MTOR: variants seen among roughly 807,000 people sequenced by gnomAD.
The protein encoded by MTOR is serine/threonine-protein kinase mTOR.
MTOR carries 70 observed loss-of-function variants against 319.8 expected under a neutral mutation model. The observed-to-expected ratio is 0.22, with a 90% confidence interval of 0.18 to 0.27. MTOR has a LOEUF of 0.27. Ranked by LOEUF, MTOR falls within the 10% of genes least tolerant of loss-of-function variation. The pLI, the probability that MTOR is intolerant of heterozygous loss-of-function variation, is 1.00. For synonymous variants in MTOR, 1,183 were observed against 1,211.4 expected, an observed-to-expected ratio of 0.98 and a Z score of 0.49; for missense variants, 1,890 against 3,274.4, an observed-to-expected ratio of 0.58 and a Z score of 10.32.
At chr1:11,257,896 G>A (rs1650625180) in intron 3 of MTOR, among the ~76,000 whole-genome samples, 1 of 152,044 alleles carries the variant, frequency 6.6e-6, no homozygotes, top group Admixed American at 6.6e-5. Context: ...GATCACTTGA[G>A]GTCAGGAGTT....
rs546427418 is a variant in MTOR, at chr1:11,204,711, C to T, written c.3802-8G>A. On this transcript the variant is annotated splice_region_variant and splice_polypyrimidine_tract_variant and intron_variant, in intron 25 of 57. Transcript: ENST00000361445. Reference sequence around the variant, plus strand: ...CCTGGCAGCGCCCCAGGCCTGTGATCCCACAGGTGACAATGGAAAACAATC... The same window carrying T: ...CCTGGCAGCGCCCCAGGCCTGTGATTCCACAGGTGACAATGGAAAACAATC... 5.6e-6 allele frequency: 9 copies of T among 1,612,976 alleles called. No homozygotes were observed. In the African/African-American group the frequency reaches 1.1e-4, roughly 19 times the overall value.
At chr1:11,171,819 G>A (rs1304063303) in intron 28 of MTOR, among the ~76,000 whole-genome samples, 1 of 152,044 alleles carries the variant, frequency 6.6e-6, no homozygotes, top group Admixed American at 6.5e-5. Context: ...AGGATAACCT[G>A]AAGTCAGTAG....
Position 11,132,908 on chromosome 1 carries a change from G to C in MTOR, c.5364+172C>G, listed in dbSNP as rs768788856. 41 of 626,484 alleles carry C rather than the reference G, an allele frequency of 6.5e-5. 1 individual carries two copies. The highest frequency in any genetic ancestry group is 1.1e-4 in the Non-Finnish European group (37 of 350,044). 38.8% of individuals were successfully genotyped at this position (626,484 alleles called of 1,614,324 possible). A position where few individuals can be genotyped will look rare whatever the true frequency, so the allele number is the denominator to read the frequency against. On this transcript the variant is annotated intron_variant, in intron 38 of 57. Coordinates refer to ENST00000361445, the MANE Select transcript of MTOR (RefSeq NM_004958.4). ...TAATCTTTCTGTATTAATTAAACTT[G>C]TAGGGGGAAATGCAGGCTCCCTGGG...
In MTOR at chr1:11,121,297, T is replaced by C. The variant is rs1203540308; in HGVS notation, c.6882A>G (p.Thr2294=). The change falls in exon 49 of 58, where the codon ACA becomes ACG. Residue 2294 remains threonine, a synonymous_variant. Coordinates refer to ENST00000361445, the MANE Select transcript of MTOR (RefSeq NM_004958.4). This position sits in a 1 kb window ranked among gnomAD's most constrained non-coding sequence, Gnocchi z 4.9. ...GCAGCTTGGCCAGGTCGTCCCCAGC[T>C]GTATTATTGACGGCATGCTCAAACA... ...VEVFEHAVNN[T]AGDDLAKLLW... is the part of the protein sequence containing the mutation. 1.2e-6 allele frequency: 2 copies of C among 1,614,082 alleles called. No homozygotes were observed. Among genetic ancestry groups the C allele is most frequent in the Non-Finnish European group, 1.7e-6 (2 of 1,180,030 alleles).
intron 5 of MTOR, among the ~76,000 whole-genome samples, chr1:11,254,682 G>A (rs551159262): frequency 6.6e-6 from 1 of 152,182 alleles, no homozygotes; most frequent in East Asian, 1.9e-4. Context: ...AGAGAGAAAT[G>A]GCACTTTCTA....
intron 36 of MTOR, among the ~76,000 whole-genome samples, chr1:11,135,991 T>C (rs1643398624): frequency 6.7e-6 from 1 of 150,338 alleles, no homozygotes; most frequent in African/African-American, 2.4e-5. Context: ...AAAAATTAGC[T>C]GGGCGTGGTG....
rs371585514 is a variant in MTOR, at chr1:11,261,148, T to C, written c.-15+1297A>G. Among the ~76,000 whole-genome samples the C allele has an allele frequency of 6.0e-4, 91 of 152,054 alleles. 1 individual carries two copies. In the East Asian group the frequency reaches 0.017, roughly 29 times the overall value. On this transcript the variant is annotated intron_variant, in intron 1 of 57. Coordinates refer to ENST00000361445, the MANE Select transcript of MTOR (RefSeq NM_004958.4). ...CACATGTGGCTGGTGGTTCTTGTAC[T>C]GAACAACGCAGTTCTACAGGGGACT...
intron 28 of MTOR, among the ~76,000 whole-genome samples, chr1:11,177,009 T>C (rs1645013897): frequency 6.6e-6 from 1 of 151,864 alleles, no homozygotes; most frequent in Non-Finnish European, 1.5e-5. Flanking sequence ...GGCAGAAGGT[T>C]GGGAGGGCTG....
At chr1:11,159,145 C>T (rs1469189847) in intron 29 of MTOR, among the ~76,000 whole-genome samples, 1 of 152,150 alleles carries the variant, frequency 6.6e-6, no homozygotes, top group Non-Finnish European at 1.5e-5. Flanking sequence ...TCTGCGGAGT[C>T]CTTGTCTCAA....
chr1:11,221,475 T>G lies in MTOR; in HGVS notation c.3031-5241A>C, dbSNP rs544508022. Among the ~76,000 whole-genome samples the G allele has an allele frequency of 3.3e-3, 495 of 151,904 alleles. 2 individuals are homozygous for G. Among genetic ancestry groups the G allele is most frequent in the African/African-American group, 0.011 (467 of 41,476 alleles). The stretch of plus-strand genomic sequence containing the variant: ...ATTGGTCATTTTCTATTTACATCTA[T>G]AAAATATATATATATGTATGTAATC... On this transcript the variant is annotated intron_variant, in intron 19 of 57. Coordinates refer to ENST00000361445, the MANE Select transcript of MTOR (RefSeq NM_004958.4).
chr1:11,196,885 G>C (rs1041892960), intron 28 of MTOR, among the ~76,000 whole-genome samples: 13 of 151,688 alleles, frequency 8.6e-5, no homozygotes, highest in African/African-American at 2.2e-4. Flanking sequence ...AAAAGAAATA[G>C]CTGAACAAAG....
At chr1:11,202,378 G>A (rs1449106244) in intron 26 of MTOR, among the ~76,000 whole-genome samples, 10 of 124,778 alleles carry the variant, frequency 8.0e-5, no homozygotes, top group South Asian at 5.2e-4. Context: ...CCAAGATCGC[G>A]CCACTGCACT....
intron 54 of MTOR, among the ~76,000 whole-genome samples, chr1:11,110,701 T>C (rs1192639526): frequency 6.6e-6 from 1 of 152,034 alleles, no homozygotes; most frequent in Non-Finnish European, 1.5e-5. Flanking sequence ...CGGGTGATAG[T>C]TATACTTCTA....
At chr1:11,130,183 G>GA (rs945478112) in intron 39 of MTOR, among the ~76,000 whole-genome samples, 27 of 152,202 alleles carry the variant, frequency 1.8e-4, no homozygotes, top group African/African-American at 6.0e-4. Flanking sequence ...GAAGTGGAGA[G>GA]AAAAAGGCAG....
At chr1:11,192,247 C>A in intron 28 of MTOR, 1 of 1,567,888 alleles carries the variant, frequency 6.4e-7, no homozygotes, top group Non-Finnish European at 8.8e-7. Context: ...TAAATGCTCA[C>A]CCTGTGGTTT....
chr1:11,261,183 A>C (rs1262243462), intron 1 of MTOR, among the ~76,000 whole-genome samples: 1 of 151,778 alleles, frequency 6.6e-6, no homozygotes, highest in African/African-American at 2.4e-5. Flanking sequence ...TAGCTCTTCA[A>C]ATGTAAGCTA....
intron 6 of MTOR, among the ~76,000 whole-genome samples, chr1:11,251,937 CATT>C (rs978493541): frequency 2.6e-5 from 4 of 152,114 alleles, no homozygotes; most frequent in African/African-American, 7.2e-5. Context: ...CAGTGGAAAA[CATT>C]ATGTTAAACT....
At chr1:11,147,265 T>G (rs1643963028) in intron 31 of MTOR, among the ~76,000 whole-genome samples, 1 of 152,122 alleles carries the variant, frequency 6.6e-6, no homozygotes, top group Non-Finnish European at 1.5e-5. Context: ...ATTAGACAAA[T>G]AGCTTGCCCA....
chr1:11,156,912 C>G (rs953411303), intron 30 of MTOR, among the ~76,000 whole-genome samples: 1 of 152,164 alleles, frequency 6.6e-6, no homozygotes, highest in Admixed American at 6.5e-5. Flanking sequence ...AGGAGCACCC[C>G]CAAGGCTGTC....
Sources: allele counts gnomAD v4.1 joint callset (sites outside exome capture counted in the v4.1 genomes callset), GRCh38; gene constraint gnomAD v4.1.1; non-coding constraint Gnocchi (gnomAD v3.1); transcripts MANE v1.5; gene names NCBI Gene and HGNC (gene_info 2026-07-23, HGNC 2026-07-21).